The following ZNF638 variants were observed in gnomAD, a reference collection of about 807,000 sequenced individuals.
ZNF638 encodes the protein CTCL tumor antigen se33-1.
Under a neutral mutation model 195.6 loss-of-function variants are expected in ZNF638, and 46 were observed. That is an observed-to-expected ratio of 0.24 (90% CI 0.19 to 0.30). ZNF638 has a LOEUF of 0.30. ZNF638 is among the 10% of genes least tolerant of loss of function. The pLI, the probability that ZNF638 is intolerant of heterozygous loss-of-function variation, is 1.00. For missense variants in ZNF638, 2,440 were observed against 2,325.3 expected (o/e 1.05, Z -1.01); for synonymous variants, 845 against 772.0 (o/e 1.09, Z -1.57).
At chr2:71,391,972 C>T (rs1277280217) in intron 10 of ZNF638, among the ~76,000 whole-genome samples, 1 of 152,178 alleles carries the variant, frequency 6.6e-6, no homozygotes, top group Admixed American at 6.5e-5. Flanking sequence ...CACAGGGCTG[C>T]GCTTCCTAGA....
intron 24 of ZNF638, among the ~76,000 whole-genome samples, chr2:71,427,960 G>A (rs1236685438): frequency 6.6e-6 from 1 of 152,146 alleles, no homozygotes; most frequent in Non-Finnish European, 1.5e-5. Context: ...GGGAAGCCGA[G>A]GTGGGAGGAT....
In ZNF638 at chr2:71,403,904, C is replaced by G; in HGVS notation, c.2864C>G (p.Ser955Cys). The G allele has an allele frequency of 6.3e-7, 1 of 1,599,540 alleles. No individual in the cohort carries two copies. The highest frequency in any genetic ancestry group is 8.6e-7 in the Non-Finnish European group (1 of 1,167,688). The change falls in exon 17 of 28, where the codon TCT becomes TGT. Residue 955 changes from serine to cysteine, a missense_variant. Physicochemically the swap from Ser to Cys is moderately radical, Grantham distance 112. Around this residue, in one of 5 missense-constraint regions of ZNF638, gnomAD observed 1,883 missense variants for 1,739.1 expected, o/e 1.08. Coordinates refer to ENST00000264447, the MANE Select transcript of ZNF638 (RefSeq NM_014497.5). Reference sequence around the variant, plus strand: ...GAAATAAATAGAAAAGCTGCTGAGTCTATGGTAAAATTTTATACCTGCTTC... The same window carrying G: ...GAAATAAATAGAAAAGCTGCTGAGTGTATGGTAAAATTTTATACCTGCTTC... ...YIEINRKAAE[S>C]MVKFYTCFPV...
At chr2:71,369,295 C>T (rs1418168195) in intron 7 of ZNF638, among the ~76,000 whole-genome samples, 1 of 146,568 alleles carries the variant, frequency 6.8e-6, no homozygotes, top group Non-Finnish European at 1.5e-5. Flanking sequence ...TGCACTCTAG[C>T]CTGGGCAACA....
rs2079242587 is a variant in ZNF638 at position 71,368,289 on chromosome 2, ATAT to A, written c.1996-90_1996-88del. 12 of 1,233,420 alleles carry A rather than the reference ATAT, an allele frequency of 9.7e-6. No homozygotes were observed. In the East Asian group the frequency reaches 2.7e-4, roughly 28 times the overall value. 76.4% of individuals were successfully genotyped at this position (1,233,420 alleles called of 1,614,324 possible). Reference sequence around the variant, plus strand: ...ATGGAAAAGACCCTTTAGTGTACTAATATTAGTGGTAGAAGAAATTATATAGGA... The same window carrying A: ...ATGGAAAAGACCCTTTAGTGTACTAATAGTGGTAGAAGAAATTATATAGGA... On this transcript the variant is annotated intron_variant, in intron 6 of 27. Transcript: ENST00000264447.
rs1187780946 is a variant in ZNF638, at chr2:71,350,250, C to A, written c.1296C>A (p.Asn432Lys). The A allele has an allele frequency of 6.2e-7, 1 of 1,601,140 alleles. No individual in the cohort carries two copies. Among genetic ancestry groups the A allele is most frequent in the Non-Finnish European group, 8.5e-7 (1 of 1,179,508 alleles). ...RIFPHLCSLC[N>K]VECSHLKDWI... ...TTCCACATTTGTGTTCTCTGTGTAA[C>A]GTAGAATGTAGTCATTTGAAGGTGA... is the stretch of plus-strand genomic sequence containing the variant. The change falls in exon 2 of 28, where the codon AAC becomes AAA. Residue 432 changes from asparagine to lysine, a missense_variant. This residue lies in a region of ZNF638 where 37 missense variants were observed against 75.7 expected (regional missense o/e 0.49). Coordinates refer to ENST00000264447, the MANE Select transcript of ZNF638 (RefSeq NM_014497.5).
chr2:71,372,746 G>A (rs2079337100), intron 8 of ZNF638, among the ~76,000 whole-genome samples: 1 of 152,200 alleles, frequency 6.6e-6, no homozygotes, highest in Non-Finnish European at 1.5e-5. Context: ...ATGTGTTCTA[G>A]TAATTTAATT....
chr2:71,335,235 C>T (rs993550990), intron 1 of ZNF638, among the ~76,000 whole-genome samples: 4 of 152,076 alleles, frequency 2.6e-5, no homozygotes, highest in Non-Finnish European at 4.4e-5. Context: ...GAGACAAGGT[C>T]TTGCTGTATT....
intron 18 of ZNF638, 30 bp downstream of exon 18, chr2:71,405,672 A>T (rs1261763520): frequency 4.9e-6 from 7 of 1,430,868 alleles, no homozygotes; most frequent in Non-Finnish European, 6.7e-6. Context: ...GCTTTTGTAT[A>T]CTTATTTAAT....
intron 11 of ZNF638, among the ~76,000 whole-genome samples, chr2:71,398,497 C>T (rs2079941484): frequency 6.6e-6 from 1 of 152,192 alleles, no homozygotes; most frequent in East Asian, 1.9e-4. Context: ...AGGTAAATAT[C>T]TTATTTCAGT....
intron 10 of ZNF638, among the ~76,000 whole-genome samples, chr2:71,382,277 T>TA (rs2079547677): frequency 6.6e-6 from 1 of 152,176 alleles, no homozygotes; most frequent in Non-Finnish European, 1.5e-5. Context: ...CAGCCAATCA[T>TA]ATGGCATTGA....
At chr2:71,355,837 C>A in intron 3 of ZNF638, 57 bp downstream of exon 3, 1 of 1,017,418 alleles carries the variant, frequency 9.8e-7, no homozygotes, top group South Asian at 1.6e-5. Flanking sequence ...AGTTAATGTT[C>A]AGATGTGACT....
At chr2:71,377,509 CAAG>C (rs1366911376) in intron 8 of ZNF638, among the ~76,000 whole-genome samples, 27 of 152,232 alleles carry the variant, frequency 1.8e-4, no homozygotes, top group South Asian at 4.1e-4. Context: ...AATGAATTAA[CAAG>C]GAGATAAAAG....
intron 20 of ZNF638, among the ~76,000 whole-genome samples, chr2:71,410,503 G>T (rs1331903296): frequency 1.3e-5 from 2 of 152,040 alleles, no homozygotes; most frequent in African/African-American, 4.8e-5. Flanking sequence ...GAACCACTGT[G>T]CTTGGCCCTA....
intron 10 of ZNF638, among the ~76,000 whole-genome samples, chr2:71,382,385 A>G (rs992302532): frequency 3.9e-5 from 6 of 152,208 alleles, no homozygotes; most frequent in African/African-American, 1.4e-4. Context: ...AAAGGAGCCT[A>G]TAAACAGGAC....
intron 1 of ZNF638, among the ~76,000 whole-genome samples, chr2:71,332,198 C>T (rs1193302603): frequency 6.6e-6 from 1 of 152,248 alleles, no homozygotes; most frequent in Non-Finnish European, 1.5e-5. Flanking sequence ...GTGAAGAGCC[C>T]TTTGGCGAGG....
rs140509385 is a variant in ZNF638 at position 71,368,396 on chromosome 2, G to A, written c.2010G>A (p.Gln670=). ...VSLQRKLRKE[Q]SLHYGSVLLI... ...TCCAAAAATAGCTTCGGAAAGAACA[G>A]TCATTGCATTATGGTTCGGTTCTTC... is the stretch of plus-strand genomic sequence containing the variant. Residue 670 remains glutamine (Q), a synonymous_variant, in exon 7 of 28, where the codon CAG becomes CAA. Coordinates refer to ENST00000264447, the MANE Select transcript of ZNF638 (RefSeq NM_014497.5). 646 of 1,611,712 alleles carry A rather than the reference G, an allele frequency of 4.0e-4. No homozygotes were observed. In the Middle Eastern group the frequency reaches 5.3e-3, roughly 13 times the overall value.
intron 26 of ZNF638, 90 bp downstream of exon 26, chr2:71,431,518 G>A (rs1558890672): frequency 1.1e-5 from 12 of 1,085,638 alleles, no homozygotes; most frequent in East Asian, 5.5e-5. Context: ...CCAGCACTTC[G>A]GGAGGCCGAG....
At position 71,366,141 on chromosome 2, in the gene ZNF638, A is replaced by G. The variant is rs141394694; in HGVS notation, c.1995+435A>G. 5.6e-3 allele frequency among the ~76,000 whole-genome samples: 855 copies of G among 152,296 alleles called. 6 individuals carry two copies. The highest frequency in any genetic ancestry group is 0.02 in the African/African-American group (812 of 41,564). The stretch of plus-strand genomic sequence containing the variant: ...AAGCGGGGTGGATCGCTCGAGCTTA[A>G]GAATTTGAGGCCAGCCAGAGCTACG... On this transcript the variant is annotated intron_variant, in intron 6 of 27. Transcript: ENST00000264447.
At chr2:71,390,716 T>C (rs530720235) in intron 10 of ZNF638, among the ~76,000 whole-genome samples, 2 of 152,242 alleles carry the variant, frequency 1.3e-5, no homozygotes, top group Admixed American at 6.5e-5. Context: ...TACTGGCTTA[T>C]AGGATACAGG....
Sources: allele counts gnomAD v4.1 joint callset (sites outside exome capture counted in the v4.1 genomes callset), GRCh38; gene constraint gnomAD v4.1.1; regional missense constraint gnomAD v4.1.1; transcripts MANE v1.5; gene names NCBI Gene and HGNC (gene_info 2026-07-23, HGNC 2026-07-21).